LCOR: variants seen among roughly 807,000 people sequenced by gnomAD.
LCOR encodes the protein ligand dependent nuclear receptor corepressor.
A neutral mutation model predicts 64.4 loss-of-function variants in LCOR; 14 were observed. The observed-to-expected ratio is 0.22, with a 90% CI of 0.14 to 0.34. LCOR has a LOEUF of 0.34. LCOR is among the 10% of genes least tolerant of loss of function. The pLI, the probability that LCOR is intolerant of heterozygous loss-of-function variation, is 1.00. For missense variants in LCOR, 1,686 were observed against 1,765.3 expected (o/e 0.96, Z 0.80); for synonymous variants, 643 against 642.5 (o/e 1.00, Z -0.01).
chr10:96,920,757 C>T (rs1206400677), intron 4 of LCOR, among the ~76,000 whole-genome samples: 11,932 of 113,084 alleles, frequency 0.11, 998 homozygotes, highest in African/African-American at 0.26. Flanking sequence ...TGTATACACA[C>T]ACACACACAC....
intron 2 of LCOR, among the ~76,000 whole-genome samples, chr10:96,902,645 C>G (rs1472164542): frequency 6.6e-6 from 1 of 152,184 alleles, no homozygotes; most frequent in East Asian, 1.9e-4. Context: ...CAACCCAATA[C>G]TTTCACTTTG....
intron 4 of LCOR, among the ~76,000 whole-genome samples, chr10:96,936,710 C>T (rs533834344): frequency 1.8e-4 from 27 of 151,096 alleles, no homozygotes; most frequent in African/African-American, 6.7e-4. Flanking sequence ...TGAATTGTGT[C>T]CCCCTAAAAC....
At chr10:96,916,587 C>CCATA (rs375266535) in intron 4 of LCOR, among the ~76,000 whole-genome samples, 4 of 138,250 alleles carry the variant, frequency 2.9e-5, no homozygotes, top group African/African-American at 1.1e-4. Flanking sequence ...TATTTAAAGG[C>CCATA]TATATATATA....
chr10:96,947,479 C>G (rs1442223407), intron 5 of LCOR, among the ~76,000 whole-genome samples: 1 of 152,046 alleles, frequency 6.6e-6, no homozygotes, highest in African/African-American at 2.4e-5. Flanking sequence ...TTTTCTTTAA[C>G]TTTATAAATT....
chr10:96,873,555 G>T (rs997726311), intron 2 of LCOR, among the ~76,000 whole-genome samples: 26 of 129,292 alleles, frequency 2.0e-4, no homozygotes, highest in African/African-American at 7.2e-4. Context: ...TTTGTTTTTC[G>T]ATACACACAC....
At chr10:96,856,294 C>A (rs1306281582) in intron 2 of LCOR, among the ~76,000 whole-genome samples, 1 of 152,090 alleles carries the variant, frequency 6.6e-6, no homozygotes, top group Non-Finnish European at 1.5e-5. Flanking sequence ...GAAATCCTGA[C>A]CTTGTGATCC....
rs34176037 is a variant in LCOR at position 96,935,139 on chromosome 10, C to CTTTTTTTT, written c.-183-8954_-183-8947dup. On this transcript the variant is annotated intron_variant, in intron 4 of 7. Transcript: ENST00000421806. ...TTTTCCTTATCTCCTGGCTATTTTA[C>CTTTTTTTT]TTTTTTTTTTTTTTTTTTTTTTTTT... is the stretch of plus-strand genomic sequence containing the variant. 7.9e-4 allele frequency among the ~76,000 whole-genome samples: 52 copies of CTTTTTTTT among 65,552 alleles called. 5 individuals carry two copies. The highest frequency in any genetic ancestry group is 1.7e-3 in the East Asian group (3 of 1,796). The allele number at this position is 65,552 out of a possible 152,430, so 43.0% of individuals were successfully genotyped here.
At position 96,981,965 on chromosome 10, in the gene LCOR, G is replaced by C; in HGVS notation, c.1505G>C (p.Arg502Pro). 1 of 1,614,038 alleles carries C rather than the reference G, an allele frequency of 6.2e-7. No homozygotes were observed. Among genetic ancestry groups the C allele is most frequent in the Non-Finnish European group, 8.5e-7 (1 of 1,180,038 alleles). Residue 502 changes from arginine (R) to proline (P), a missense_variant, in exon 8 of 8, where the codon CGA (arginine) becomes CCA (proline). Arg to Pro is a moderately radical substitution (Grantham distance 103, BLOSUM62 -2). Coordinates refer to ENST00000421806, the MANE Select transcript of LCOR (RefSeq NM_001346516.2). The stretch of plus-strand genomic sequence containing the variant: ...CGGAAAACAGCCAGAAAGAGTACTC[G>C]AGGATACTTTTTCAATGGTGACTGT... The part of the protein sequence containing the change: ...SSRKTARKST[R>P]GYFFNGDCCE...
intron 6 of LCOR, among the ~76,000 whole-genome samples, chr10:96,950,597 A>T (rs559318205): frequency 2.8e-4 from 42 of 152,274 alleles, no homozygotes; most frequent in African/African-American, 9.6e-4. Context: ...GTTATAACTA[A>T]TGTTACACTT....
At chr10:96,873,569 CACGTGTGT>C (rs1357260058) in intron 2 of LCOR, among the ~76,000 whole-genome samples, 34 of 83,464 alleles carry the variant, frequency 4.1e-4, no homozygotes, top group East Asian at 3.0e-3. Flanking sequence ...CACACACACA[CACGTGTGT>C]GTGTGTGTGT....
chr10:96,966,205 T>C (rs1255482738), intron 7 of LCOR, among the ~76,000 whole-genome samples: 8 of 147,844 alleles, frequency 5.4e-5, no homozygotes, highest in Non-Finnish European at 7.5e-5. Context: ...TGGGGATTTT[T>C]CCCCCCAAAG....
At chr10:96,893,634 G>T (rs960954452) in intron 2 of LCOR, among the ~76,000 whole-genome samples, 4 of 152,020 alleles carry the variant, frequency 2.6e-5, no homozygotes, top group African/African-American at 9.7e-5. Flanking sequence ...ATGGTGGTGG[G>T]CATCTGTAGT....
rs201361952 is a variant in LCOR at position 96,981,433 on chromosome 10, A to T, written c.973A>T (p.Met325Leu). 1.9e-6 allele frequency: 3 copies of T among 1,614,110 alleles called. No homozygotes were observed. The highest frequency in any genetic ancestry group is 2.5e-6 in the Non-Finnish European group (3 of 1,180,040). The change falls in exon 8 of 8, where the codon ATG becomes TTG. Residue 325 changes from methionine to leucine, a missense_variant. This residue lies in a region of LCOR where 313 missense variants were observed against 247.2 expected (regional missense o/e 1.27). Transcript: ENST00000421806. ...AGTAGAAAGTCTAATTACAGTAAAA[A>T]TGGCAGCTGAGAATAGTGAGGAAGG... ...ALVESLITVK[M>L]AAENSEEGNT...
chr10:96,840,163 A>C (rs1191851145), intron 2 of LCOR, among the ~76,000 whole-genome samples: 3 of 152,172 alleles, frequency 2.0e-5, no homozygotes, highest in African/African-American at 7.2e-5. Context: ...CGAATTTAAG[A>C]ATCTTTTGCT....
In LCOR at chr10:96,983,771, A is replaced by G; in HGVS notation, c.3311A>G (p.Glu1104Gly). 1 of 1,614,186 alleles carries G rather than the reference A, an allele frequency of 6.2e-7. No homozygotes were observed. The highest frequency in any genetic ancestry group is 8.5e-7 in the Non-Finnish European group (1 of 1,180,028). ...EQPKFMEWCA[E>G]EENQELIANF... ...CCAAAGTTTATGGAATGGTGTGCTG[A>G]GGAGGAGAACCAAGAGCTCATCGCC... The change falls in exon 8 of 8, where the codon GAG becomes GGG. Residue 1104 changes from glutamate (E) to glycine (G), a missense_variant. Glu to Gly is a moderately conservative substitution (Grantham distance 98). This residue lies in a region of LCOR where 1,293 missense variants were observed against 1,410.4 expected (regional missense o/e 0.92). Coordinates refer to ENST00000421806, the MANE Select transcript of LCOR (RefSeq NM_001346516.2). This position sits in a 1 kb window ranked among gnomAD's most constrained non-coding sequence, Gnocchi z 4.5.
chr10:96,939,258 T>C (rs1847405588), intron 4 of LCOR, among the ~76,000 whole-genome samples: 1 of 152,196 alleles, frequency 6.6e-6, no homozygotes, highest in Non-Finnish European at 1.5e-5. Flanking sequence ...GGGGAAAGAA[T>C]TGTTTTTTCA....
chr10:96,977,200 G>A (rs1463310276), intron 7 of LCOR, among the ~76,000 whole-genome samples: 1 of 152,176 alleles, frequency 6.6e-6, no homozygotes, highest in Non-Finnish European at 1.5e-5. Context: ...TTCATTCAGA[G>A]CCTATTTATT....
At chr10:96,893,762 CAAAAAAA>C (rs376847220) in intron 2 of LCOR, among the ~76,000 whole-genome samples, 14 of 94,556 alleles carry the variant, frequency 1.5e-4, no homozygotes, top group Admixed American at 4.6e-4. Flanking sequence ...GACTCTGTTT[CAAAAAAA>C]AAAAAAAAAG....
chr10:96,836,905 G>C (rs1380679458), intron 2 of LCOR, among the ~76,000 whole-genome samples: 1 of 152,098 alleles, frequency 6.6e-6, no homozygotes, highest in African/African-American at 2.4e-5. Context: ...CTTGCAGTTT[G>C]CAACACGTTT....
Sources: allele counts gnomAD v4.1 joint callset (sites outside exome capture counted in the v4.1 genomes callset), GRCh38; gene constraint gnomAD v4.1.1; regional missense constraint gnomAD v4.1.1; non-coding constraint Gnocchi (gnomAD v3.1); transcripts MANE v1.5; gene names NCBI Gene and HGNC (gene_info 2026-07-23, HGNC 2026-07-21).